CAMKMT: variants seen among roughly 807,000 people sequenced by gnomAD.
CAMKMT encodes calmodulin-lysine N-methyltransferase.
CAMKMT carries 53 observed loss-of-function variants against 48.0 expected under a neutral mutation model. The ratio of observed to expected loss-of-function variants is 1.10; its 90% CI spans 0.89 to 1.39. CAMKMT has a LOEUF of 1.39. Ranked by LOEUF, CAMKMT falls within the 40% of genes most tolerant of loss-of-function variation. CAMKMT has a pLI of 0.00. For synonymous variants in CAMKMT, 165 were observed against 152.3 expected, an observed-to-expected ratio of 1.08 and a Z score of -0.61; for missense variants, 428 against 402.7, an observed-to-expected ratio of 1.06 and a Z score of -0.54.
At chr2:44,544,696 G>A (rs1667301175) in intron 3 of CAMKMT, among the ~76,000 whole-genome samples, 1 of 152,200 alleles carries the variant, frequency 6.6e-6, no homozygotes, top group African/African-American at 2.4e-5. Context: ...GATCAGCCAA[G>A]TAATCTGTAG....
intron 3 of CAMKMT, among the ~76,000 whole-genome samples, chr2:44,573,199 CT>C: frequency 6.6e-6 from 1 of 152,074 alleles, no homozygotes; most frequent in South Asian, 2.1e-4. Flanking sequence ...TAATAGTAAT[CT>C]TTTCATGTGC....
chr2:44,751,227 C>G lies in CAMKMT; in HGVS notation c.699-2828C>G, dbSNP rs1375988562. ...ACCAACCCCGCCTAACTCTAGTCAT[C>G]TGATGACCTCCGTCTTTTGCCTAAA... On this transcript the variant is annotated intron_variant, in intron 8 of 10. Coordinates refer to ENST00000378494, the MANE Select transcript of CAMKMT (RefSeq NM_024766.5). 2.6e-5 allele frequency among the ~76,000 whole-genome samples: 4 copies of G among 152,334 alleles called. No individual in the cohort carries two copies. In the East Asian group the frequency reaches 7.7e-4, roughly 29 times the overall value.
chr2:44,745,858 C>T (rs1679895576), intron 8 of CAMKMT, among the ~76,000 whole-genome samples: 1 of 152,188 alleles, frequency 6.6e-6, no homozygotes. Flanking sequence ...GCACGTTGTG[C>T]ATGTAGCAGT....
At chr2:44,639,350 G>C (rs1026913401) in intron 3 of CAMKMT, among the ~76,000 whole-genome samples, 1 of 152,168 alleles carries the variant, frequency 6.6e-6, no homozygotes, top group Non-Finnish European at 1.5e-5. Context: ...TTCCTGGGGG[G>C]TTATATTCAG....
chr2:44,432,826 T>A (rs1284628607), intron 3 of CAMKMT, among the ~76,000 whole-genome samples: 4 of 147,636 alleles, frequency 2.7e-5, no homozygotes, highest in Non-Finnish European at 1.5e-5. Flanking sequence ...TCATGTAAAT[T>A]AAAAAAAAAA....
intron 3 of CAMKMT, among the ~76,000 whole-genome samples, chr2:44,408,502 T>C (rs1050848059): frequency 7.3e-5 from 11 of 150,372 alleles, no homozygotes; most frequent in Non-Finnish European, 1.2e-4. Flanking sequence ...CATAAATTAT[T>C]ATTTCCTATT....
At chr2:44,518,474 T>A (rs1475892886) in intron 3 of CAMKMT, among the ~76,000 whole-genome samples, 3 of 152,334 alleles carry the variant, frequency 2.0e-5, no homozygotes, top group African/African-American at 7.2e-5. Flanking sequence ...AATAATCCAA[T>A]GTAACAATAG....
At chr2:44,747,185 C>A (rs775423473) in intron 8 of CAMKMT, among the ~76,000 whole-genome samples, 1 of 152,144 alleles carries the variant, frequency 6.6e-6, no homozygotes, top group East Asian at 1.9e-4. Flanking sequence ...GCTCTCTCAG[C>A]GTTTTTGCAC....
chr2:44,616,915 G>T (rs1671924417), intron 3 of CAMKMT, among the ~76,000 whole-genome samples: 1 of 152,110 alleles, frequency 6.6e-6, no homozygotes, highest in Non-Finnish European at 1.5e-5. Context: ...GGAGATAATA[G>T]CCAATGAAGG....
chr2:44,402,759 T>C (rs1256194153), intron 3 of CAMKMT, among the ~76,000 whole-genome samples: 22 of 140,046 alleles, frequency 1.6e-4, no homozygotes, highest in Non-Finnish European at 2.6e-4. Context: ...TTTTTTTTTT[T>C]ACTTTTTCTT....
intron 3 of CAMKMT, among the ~76,000 whole-genome samples, chr2:44,459,595 T>C (rs1667747023): frequency 6.6e-6 from 1 of 152,198 alleles, no homozygotes; most frequent in African/African-American, 2.4e-5. Context: ...GCTTTAAAAT[T>C]ACAGTTAAAA....
chr2:44,597,899 G>A (rs1366698933), intron 3 of CAMKMT, among the ~76,000 whole-genome samples: 1 of 151,966 alleles, frequency 6.6e-6, no homozygotes, highest in Non-Finnish European at 1.5e-5. Flanking sequence ...ACCACCCTGG[G>A]CTAATTTTTG....
chr2:44,715,839 C>A (rs1267996298), intron 7 of CAMKMT, among the ~76,000 whole-genome samples: 2 of 152,112 alleles, frequency 1.3e-5, no homozygotes, highest in Non-Finnish European at 2.9e-5. Flanking sequence ...GCTTAGGACA[C>A]CCCCGTACAA....
intron 2 of CAMKMT, among the ~76,000 whole-genome samples, chr2:44,373,553 T>G (rs572436586): frequency 7.3e-4 from 111 of 152,250 alleles, no homozygotes; most frequent in African/African-American, 2.6e-3. Context: ...ATTTCACATT[T>G]TGAAAGGGAG....
At chr2:44,751,207 C>A (rs1184510140) in intron 8 of CAMKMT, among the ~76,000 whole-genome samples, 1 of 152,172 alleles carries the variant, frequency 6.6e-6, no homozygotes. Flanking sequence ...TCTCGACCAA[C>A]CCCGCCTAAC....
intron 3 of CAMKMT, among the ~76,000 whole-genome samples, chr2:44,426,236 T>A (rs1684269428): frequency 6.6e-6 from 1 of 152,188 alleles, no homozygotes; most frequent in Non-Finnish European, 1.5e-5. Flanking sequence ...ACATAATTGG[T>A]AACTGGCAAA....
At chr2:44,502,764 AGGAAAGCTGATT>A (rs1670067970) in intron 3 of CAMKMT, among the ~76,000 whole-genome samples, 1 of 152,300 alleles carries the variant, frequency 6.6e-6, no homozygotes, top group South Asian at 2.1e-4. Context: ...CTGTCCCTTA[AGGAAAGCTGATT>A]TTAGAAGAGA....
At chr2:44,456,769 T>C (rs149733563) in intron 3 of CAMKMT, 1 of 631,732 alleles carries the variant, frequency 1.6e-6, no homozygotes, top group Non-Finnish European at 2.5e-6. Context: ...TTCCTTCTTT[T>C]CTGGGAGATC....
At chr2:44,451,033 A>C (rs747017382) in intron 3 of CAMKMT, among the ~76,000 whole-genome samples, 1 of 152,164 alleles carries the variant, frequency 6.6e-6, no homozygotes, top group Admixed American at 6.6e-5. Context: ...TCATCTGAGA[A>C]AATGAAAGTT....
Sources: allele counts gnomAD v4.1 joint callset (sites outside exome capture counted in the v4.1 genomes callset), GRCh38; gene constraint gnomAD v4.1.1; transcripts MANE v1.5; gene names NCBI Gene and HGNC (gene_info 2026-07-23, HGNC 2026-07-21).